Variants in USP54 observed in about 807,000 individuals in gnomAD.
The protein encoded by USP54 is ubiquitin carboxyl-terminal hydrolase 54.
Under a neutral mutation model 170.5 loss-of-function variants are expected in USP54, and 87 were observed. That is an observed-to-expected ratio of 0.51 (90% confidence interval 0.43 to 0.61). The LOEUF is 0.61. Among genes scored for constraint, USP54 ranks in the 20% least tolerant of loss-of-function variants. USP54 has a pLI of 0.00. For missense variants in USP54, 1,786 were observed against 2,047.8 expected (o/e 0.87, Z 2.47); for synonymous variants, 655 against 742.8 (o/e 0.88, Z 1.92).
intron 1 of USP54, among the ~76,000 whole-genome samples, chr10:73,586,727 T>C (rs1164679556): frequency 6.6e-6 from 1 of 152,230 alleles, no homozygotes; most frequent in African/African-American, 2.4e-5. Flanking sequence ...TATTTGCTTC[T>C]GATTCAAGCT....
chr10:73,562,788 A>G (rs2073367930), intron 4 of USP54, among the ~76,000 whole-genome samples: 1 of 152,222 alleles, frequency 6.6e-6, no homozygotes, highest in Admixed American at 6.5e-5. Flanking sequence ...TGTATCAAGA[A>G]GTTTTCTACA....
chr10:73,501,760 T>C (rs141365363), intron 22 of USP54, among the ~76,000 whole-genome samples: 77 of 152,276 alleles, frequency 5.1e-4, no homozygotes, highest in African/African-American at 1.7e-3. Flanking sequence ...AACTTTAATA[T>C]TCCTCAAACA....
intron 20 of USP54, among the ~76,000 whole-genome samples, chr10:73,514,562 CAA>C (rs879915884): frequency 1.6e-5 from 2 of 125,288 alleles, no homozygotes; most frequent in Non-Finnish European, 1.7e-5. Context: ...GACTCTGTCT[CAA>C]AAAAAAAAAA....
Position 73,499,461 on chromosome 10 carries a change from A to G in USP54, c.4496-273T>C, listed in dbSNP as rs1024659014. On this transcript the variant is annotated intron_variant, in intron 23 of 23. Transcript: ENST00000687698. Reference sequence around the variant, plus strand: ...CCTCCACTATAATCTCTCATCCACTATACACACACCTACAAAAGAAGGGCT... The same window carrying G: ...CCTCCACTATAATCTCTCATCCACTGTACACACACCTACAAAAGAAGGGCT... The G allele has an allele frequency of 2.4e-5, 9 of 375,196 alleles. No homozygotes were observed. In the Admixed American group the frequency reaches 3.9e-4, roughly 16 times the overall value. 23.2% of individuals were successfully genotyped at this position (375,196 alleles called of 1,614,324 possible). A position where few individuals can be genotyped will look rare whatever the true frequency, so the allele number is the denominator to read the frequency against.
At chr10:73,528,084 C>T (rs1015646424) in intron 15 of USP54, among the ~76,000 whole-genome samples, 4 of 151,770 alleles carry the variant, frequency 2.6e-5, no homozygotes, top group African/African-American at 9.7e-5. Context: ...TAGAGGTGCG[C>T]GCCACCATGC....
intron 4 of USP54, among the ~76,000 whole-genome samples, chr10:73,570,463 CTGGTATAAAAGAATCTTTTAAGTG>C (rs1186374029): frequency 6.0e-5 from 9 of 149,580 alleles, no homozygotes; most frequent in Non-Finnish European, 1.3e-4. Flanking sequence ...GGGTAGAGAA[CTGGTATAAAAGAATCTTTTAAGTG>C]TGGTAATGGG....
At chr10:73,575,731 A>G (rs944400476) in intron 2 of USP54, 56 bp from the exon 3 acceptor site, 2 of 1,467,496 alleles carry the variant, frequency 1.4e-6, no homozygotes, top group African/African-American at 1.4e-5. Flanking sequence ...TCTGTCTGCT[A>G]AAGTTCTAAA....
At chr10:73,545,758 A>C in intron 4 of USP54, 86 bp from the exon 5 acceptor site, 107 of 1,464,802 alleles carry the variant, frequency 7.3e-5, no homozygotes, top group Non-Finnish European at 9.6e-5. Flanking sequence ...TAGCATCTCC[A>C]TGATGATAGC....
At chr10:73,609,842 CAAA>C (rs879852354) in intron 1 of USP54, among the ~76,000 whole-genome samples, 104 of 63,838 alleles carry the variant, frequency 1.6e-3, no homozygotes, top group African/African-American at 6.2e-3. Flanking sequence ...GATTCCGTCA[CAAA>C]AAAAAAAAAA....
intron 1 of USP54, among the ~76,000 whole-genome samples, chr10:73,607,242 AGCC>A (rs2079724848): frequency 6.6e-6 from 1 of 150,760 alleles, no homozygotes; most frequent in Non-Finnish European, 1.5e-5. Flanking sequence ...GGCTGCAGTG[AGCC>A]ATAATCCTGC....
chr10:73,531,243 A>G (rs986585985), intron 12 of USP54, among the ~76,000 whole-genome samples: 1 of 151,726 alleles, frequency 6.6e-6, no homozygotes, highest in African/African-American at 2.4e-5. Context: ...GTGAGCCGAG[A>G]TCACGCCACT....
chr10:73,531,741 C>A (rs575572389), intron 12 of USP54, among the ~76,000 whole-genome samples: 1 of 152,346 alleles, frequency 6.6e-6, no homozygotes, highest in Non-Finnish European at 1.5e-5. Context: ...AGAGATTACA[C>A]TTCATAGTTC....
intron 12 of USP54, among the ~76,000 whole-genome samples, chr10:73,534,177 C>T (rs980186753): frequency 2.6e-5 from 4 of 151,810 alleles, no homozygotes; most frequent in East Asian, 1.9e-4. Flanking sequence ...CTTTGCGTAA[C>T]GAACATTTCT....
At chr10:73,534,848 A>G (rs1486721515) in intron 11 of USP54, 78 bp from the exon 12 acceptor site, 10 of 1,409,402 alleles carry the variant, frequency 7.1e-6, no homozygotes, top group Non-Finnish European at 8.8e-6. Context: ...AGATGGACAC[A>G]ACAAAGCTCC....
intron 4 of USP54, among the ~76,000 whole-genome samples, chr10:73,559,953 G>A (rs1323628834): frequency 6.6e-6 from 1 of 151,508 alleles, no homozygotes; most frequent in Non-Finnish European, 1.5e-5. Flanking sequence ...ACAGAGGCAG[G>A]AGAATCACTT....
At chr10:73,532,482 AGTCTT>A (rs1298503647) in intron 12 of USP54, among the ~76,000 whole-genome samples, 3 of 152,102 alleles carry the variant, frequency 2.0e-5, no homozygotes, top group African/African-American at 7.2e-5. Context: ...GCCGCAACTA[AGTCTT>A]ACAAATGTTA....
intron 3 of USP54, among the ~76,000 whole-genome samples, chr10:73,573,912 C>T (rs2075683776): frequency 6.6e-6 from 1 of 152,210 alleles, no homozygotes; most frequent in African/African-American, 2.4e-5. Context: ...GCTAAAACTA[C>T]AACCCAGGTC....
At chr10:73,577,417 CAT>C (rs2076261927) in intron 1 of USP54, among the ~76,000 whole-genome samples, 1 of 152,196 alleles carries the variant, frequency 6.6e-6, no homozygotes, top group Non-Finnish European at 1.5e-5. Flanking sequence ...TTATAATCTA[CAT>C]GTCCCAATTA....
chr10:73,504,953 T>G lies in USP54; in HGVS notation c.4208A>C (p.Glu1403Ala), dbSNP rs934262966. ...ATTCTCTGCACTGTACTGCTCATCC[T>G]CCCCACACTCCCTGCTGAGGCCTCG... ...PCRGLSRECG[E>A]DEQYSAENLR... Residue 1403 changes from glutamate to alanine, a missense_variant, in exon 22 of 24, where the codon GAG becomes GCG. Glu to Ala is a moderately radical substitution (Grantham distance 107). Coordinates refer to ENST00000687698, the MANE Select transcript of USP54 (RefSeq NM_001391956.1). The G allele has an allele frequency of 6.2e-7, 1 of 1,614,070 alleles. No homozygotes were observed. The highest frequency in any genetic ancestry group is 1.7e-5 in the Admixed American group (1 of 60,002).
Sources: allele counts gnomAD v4.1 joint callset (sites outside exome capture counted in the v4.1 genomes callset), GRCh38; gene constraint gnomAD v4.1.1; transcripts MANE v1.5; gene names NCBI Gene and HGNC (gene_info 2026-07-23, HGNC 2026-07-21).